SLC27A1: variants seen among roughly 807,000 people sequenced by gnomAD.
SLC27A1 encodes long-chain fatty acid transport protein 1.
SLC27A1 carries 61 observed loss-of-function variants against 62.2 expected under a neutral mutation model. That is an observed-to-expected ratio of 0.98 (90% CI 0.80 to 1.21). The LOEUF is 1.21. SLC27A1 is among the 50% of genes most tolerant of loss of function. The pLI, the probability that SLC27A1 is intolerant of heterozygous loss-of-function variation, is 0.00. For missense variants in SLC27A1, 903 were observed against 932.1 expected (o/e 0.97, Z 0.41); for synonymous variants, 435 against 408.6 (o/e 1.06, Z -0.78).
At chr19:17,489,483 A>G (rs950297570) in intron 6 of SLC27A1, among the ~76,000 whole-genome samples, 2 of 85,348 alleles carry the variant, frequency 2.3e-5, no homozygotes, top group Admixed American at 1.1e-4. Context: ...TGTAAACTCA[A>G]TGCAATCCTA....
upstream of SLC27A1, chr19:17,469,057 A>G (rs934290419): frequency 6.6e-6 from 1 of 152,246 alleles, no homozygotes; most frequent in Admixed American, 6.5e-5. Flanking sequence ...CAGCGCTGGC[A>G]GCGCCTGGGG....
intron 7 of SLC27A1, among the ~76,000 whole-genome samples, chr19:17,499,609 CA>C (rs2075387255): frequency 6.7e-6 from 1 of 148,176 alleles, no homozygotes; most frequent in South Asian, 2.1e-4. Context: ...AGTTCGAGAC[CA>C]GTCTGGCCAA....
Position 17,504,468 on chromosome 19 carries a change from C to A in SLC27A1, c.1797C>A (p.Ile599=). ...TCCCCACTATAGGCACCTTCAAGAT[C>A]CAGAAGACGAGGCTGCAGCGAGAGG... ...PQVDTTGTFK[I]QKTRLQREGF... The change falls in exon 12 of 12, where the codon ATC becomes ATA. Residue 599 remains isoleucine, a synonymous_variant. Coordinates refer to ENST00000252595, the MANE Select transcript of SLC27A1 (RefSeq NM_198580.3). 1.2e-6 allele frequency: 2 copies of A among 1,614,174 alleles called. No individual in the cohort carries two copies. Among genetic ancestry groups the A allele is most frequent in the Admixed American group, 1.7e-5 (1 of 60,016 alleles).
intron 1 of SLC27A1, among the ~76,000 whole-genome samples, chr19:17,477,563 T>A (rs1321619693): frequency 6.8e-6 from 1 of 147,154 alleles, no homozygotes; most frequent in Non-Finnish European, 1.5e-5. Flanking sequence ...TCTTTCTTTC[T>A]TTTTTTGAGA....
At chr19:17,485,794 T>C (rs991022357) in intron 1 of SLC27A1, among the ~76,000 whole-genome samples, 5 of 151,522 alleles carry the variant, frequency 3.3e-5, no homozygotes, top group Non-Finnish European at 7.4e-5. Context: ...CACTGTACTC[T>C]GGCCTGGGCG....
chr19:17,488,692 C>T (rs1335374779), intron 4 of SLC27A1, 156 bp from the exon 5 acceptor site: 1 of 654,826 alleles, frequency 1.5e-6, no homozygotes, highest in Non-Finnish European at 2.7e-6. Context: ...ACACCACCAA[C>T]AATTGTTGGT....
Position 17,483,458 on chromosome 19 carries a change from G to C in SLC27A1, c.168-3105G>C, listed in dbSNP as rs548397851. ...TGTGCTCAGCTCAGTGAGCTTGTGGGTCATGGTGGGTAGGGAAGTATTGTC... is the reference window on the plus strand; with the variant it reads ...TGTGCTCAGCTCAGTGAGCTTGTGGCTCATGGTGGGTAGGGAAGTATTGTC... On this transcript the variant is annotated intron_variant, in intron 1 of 11. Coordinates refer to ENST00000252595, the MANE Select transcript of SLC27A1 (RefSeq NM_198580.3). Among the ~76,000 whole-genome samples the C allele has an allele frequency of 1.1e-4, 16 of 152,244 alleles. No individual in the cohort carries two copies. In the South Asian group the frequency reaches 3.3e-3, roughly 32 times the overall value.
In SLC27A1 at chr19:17,497,729, C is replaced by G. The variant is rs2075366141; in HGVS notation, c.1206+265C>G. 3 of 486,254 alleles carry G rather than the reference C, an allele frequency of 6.2e-6. No homozygotes were observed. The Admixed American group carries it at 1.2e-4, about 20-fold the overall frequency. The allele number at this position is 486,254 out of a possible 1,614,324, so 30.1% of individuals were successfully genotyped here. On this transcript the variant is annotated intron_variant, in intron 7 of 11. Transcript: ENST00000252595. ...GGATAGGTATGGCTGTGCGCCCTGGCAAGTGCCTCAGCCTTTCTGAGCCTC... is the reference window on the plus strand; with the variant it reads ...GGATAGGTATGGCTGTGCGCCCTGGGAAGTGCCTCAGCCTTTCTGAGCCTC...
intron 1 of SLC27A1, among the ~76,000 whole-genome samples, chr19:17,482,470 GT>G (rs1389467206): frequency 6.6e-6 from 1 of 152,012 alleles, no homozygotes; most frequent in African/African-American, 2.4e-5. Flanking sequence ...GGCTAACATG[GT>G]GAAACCCCGT....
At chr19:17,472,386 C>T (rs2075085131) in intron 1 of SLC27A1, among the ~76,000 whole-genome samples, 1 of 147,228 alleles carries the variant, frequency 6.8e-6, no homozygotes, top group African/African-American at 2.5e-5. Flanking sequence ...CAGAGTGAGA[C>T]TCCGTCTCAA....
In SLC27A1 at chr19:17,488,898, C is replaced by T. The variant is rs1170673597; in HGVS notation, c.845C>T (p.Ala282Val). The part of the protein sequence containing the change: ...FGHHAYRMQA[A>V]DVLYDCLPLY... The stretch of plus-strand genomic sequence containing the variant: ...CACCACGCCTACCGCATGCAGGCGG[C>T]TGACGTGCTCTATGACTGCCTGCCC... The change falls in exon 5 of 12, where the codon GCT (alanine) becomes GTT (valine). Residue 282 changes from alanine to valine, a missense_variant. Ala to Val is a moderately conservative substitution (Grantham distance 64). Coordinates refer to ENST00000252595, the MANE Select transcript of SLC27A1 (RefSeq NM_198580.3). The T allele has an allele frequency of 6.2e-7, 1 of 1,614,132 alleles. No homozygotes were observed. The highest frequency in any genetic ancestry group is 1.7e-5 in the Admixed American group (1 of 60,018).
intron 1 of SLC27A1, among the ~76,000 whole-genome samples, chr19:17,480,513 C>T (rs2075165671): frequency 1.3e-5 from 2 of 149,404 alleles, no homozygotes; most frequent in Non-Finnish European, 3.0e-5. Flanking sequence ...TGGGACTATA[C>T]ATGCCACAAT....
rs533467767 is a variant in SLC27A1, at chr19:17,480,906, C to T, written c.168-5657C>T. On this transcript the variant is annotated intron_variant, in intron 1 of 11. Coordinates refer to ENST00000252595, the MANE Select transcript of SLC27A1 (RefSeq NM_198580.3). Reference sequence around the variant, plus strand: ...TTCAATGTTTAGCTCCCACTTATAACGAAAACGTGGTATTTGGATTTCTTT... The same window carrying T: ...TTCAATGTTTAGCTCCCACTTATAATGAAAACGTGGTATTTGGATTTCTTT... Among the ~76,000 whole-genome samples the T allele has an allele frequency of 1.5e-3, 70 of 45,604 alleles. 1 individual carries two copies. The highest frequency in any genetic ancestry group is 0.013 in the East Asian group (57 of 4,340). The allele number at this position is 45,604 out of a possible 152,430, so 29.9% of individuals were successfully genotyped here. A position where few individuals can be genotyped will look rare whatever the true frequency, so the allele number is the denominator to read the frequency against.
At chr19:17,497,014 C>T in intron 6 of SLC27A1, 1 of 460,136 alleles carries the variant, frequency 2.2e-6, no homozygotes. Flanking sequence ...CACAGGGAGA[C>T]CCCCAACCAA....
At chr19:17,480,899 C>CTTA (rs2075170808) in intron 1 of SLC27A1, among the ~76,000 whole-genome samples, 1 of 67,478 alleles carries the variant, frequency 1.5e-5, no homozygotes, top group South Asian at 3.6e-4. Flanking sequence ...TTAGCTCCCA[C>CTTA]TTATAACGAA....
Position 17,500,802 on chromosome 19 carries a change from C to A in SLC27A1, c.1562C>A (p.Thr521Asn), listed in dbSNP as rs777275873. Residue 521 changes from threonine (T) to asparagine (N), a missense_variant, in exon 10 of 12, where the codon ACC (threonine) becomes AAC (asparagine). Physicochemically the swap from Thr to Asn is moderately conservative, Grantham distance 65. Transcript: ENST00000252595. ...CGCTGGCGAGGGGAGAACGTCTCCA[C>A]CACCGAGGTGGAGGGCGTGCTGAGC... ...TFRWRGENVS[T>N]TEVEGVLSRL... The A allele has an allele frequency of 6.2e-7, 1 of 1,612,466 alleles. No individual in the cohort carries two copies. Among genetic ancestry groups the A allele is most frequent in the Non-Finnish European group, 8.5e-7 (1 of 1,179,580 alleles).
chr19:17,498,795 G>A, intron 7 of SLC27A1: 1 of 158,950 alleles, frequency 6.3e-6, no homozygotes, highest in South Asian at 1.9e-4. Context: ...AGGTCACGTG[G>A]GTCATGCGTC....
At chr19:17,502,799 C>T (rs2144624689) in intron 11 of SLC27A1, among the ~76,000 whole-genome samples, 1 of 152,184 alleles carries the variant, frequency 6.6e-6, no homozygotes, top group East Asian at 1.9e-4. Context: ...GATCCTCCCA[C>T]CTCAGCCTCT....
At chr19:17,478,729 C>T (rs751009138) in intron 1 of SLC27A1, among the ~76,000 whole-genome samples, 8 of 151,986 alleles carry the variant, frequency 5.3e-5, no homozygotes, top group Middle Eastern at 3.4e-3. Context: ...TGGTGGTGTA[C>T]GCCTGTAGTC....
Sources: allele counts gnomAD v4.1 joint callset (sites outside exome capture counted in the v4.1 genomes callset), GRCh38; gene constraint gnomAD v4.1.1; transcripts MANE v1.5; gene names NCBI Gene and HGNC (gene_info 2026-07-23, HGNC 2026-07-21).